Variants in NPHP4 observed in about 807,000 individuals in gnomAD.
The protein encoded by NPHP4 is nephrocystin-4.
Under a neutral mutation model 155.8 loss-of-function variants are expected in NPHP4, and 151 were observed. That is an observed-to-expected ratio of 0.97 (90% CI 0.85 to 1.11). The LOEUF is 1.11. Ranked by LOEUF, NPHP4 falls within the 50% of genes least tolerant of loss-of-function variation. The probability of loss-of-function intolerance (pLI) is 0.00; values close to 1 mark genes in which losing one functional copy is unlikely to be tolerated. For missense variants in NPHP4, 1,956 were observed against 1,925.7 expected, an observed-to-expected ratio of 1.02 and a Z score of -0.29; for synonymous variants, 845 against 816.8, an observed-to-expected ratio of 1.03 and a Z score of -0.59.
chr1:5,952,815 C>T lies in NPHP4; in HGVS notation c.695G>A (p.Arg232His), dbSNP rs1221753633. ...GTGCCCCGTGATGGGCTTCTGGAGG[C>T]GAGGCTTTCGGAGAGCGTCGCCTGA... ...GESGDALRKPRLQKPITGHLD... is the reference protein window; with the variant it reads ...GESGDALRKPHLQKPITGHLD... Residue 232 changes from arginine to histidine, a missense_variant, in exon 7 of 30, where the codon CGC (arginine) becomes CAC (histidine). Coordinates refer to ENST00000378156, the MANE Select transcript of NPHP4 (RefSeq NM_015102.5). 3.7e-6 allele frequency: 6 copies of T among 1,600,512 alleles called. No homozygotes were observed. Among genetic ancestry groups the T allele is most frequent in the East Asian group, 4.5e-5 (2 of 44,334 alleles).
intron 3 of NPHP4, among the ~76,000 whole-genome samples, chr1:5,974,855 C>T (rs1653247017): frequency 6.6e-6 from 1 of 152,186 alleles, no homozygotes; most frequent in Non-Finnish European, 1.5e-5. Context: ...TGCGCTACCA[C>T]GTGGGGGCTG....
intron 12 of NPHP4, among the ~76,000 whole-genome samples, chr1:5,908,375 G>T (rs1645015682): frequency 6.6e-6 from 1 of 152,216 alleles, no homozygotes; most frequent in Admixed American, 6.5e-5. Context: ...CACTAAAGCT[G>T]CTTCCTTGGA....
At chr1:5,988,890 A>G (rs1655859276) in intron 1 of NPHP4, among the ~76,000 whole-genome samples, 1 of 152,168 alleles carries the variant, frequency 6.6e-6, no homozygotes, top group Non-Finnish European at 1.5e-5. Context: ...CAGATGCTGC[A>G]TGTGGGCCAG....
chr1:5,972,874 G>GT (rs998950361), intron 3 of NPHP4, among the ~76,000 whole-genome samples: 15 of 150,786 alleles, frequency 9.9e-5, no homozygotes, highest in East Asian at 1.9e-4. Context: ...AATTTGTAGG[G>GT]TTTTTTTTTG....
At chr1:5,914,203 T>G (rs1645336042) in intron 11 of NPHP4, among the ~76,000 whole-genome samples, 1 of 142,606 alleles carries the variant, frequency 7.0e-6, no homozygotes. Flanking sequence ...GAGGACTGTT[T>G]TGAGTCCAGA....
At chr1:5,957,203 T>C (rs1172913845) in intron 6 of NPHP4, among the ~76,000 whole-genome samples, 2 of 152,206 alleles carry the variant, frequency 1.3e-5, no homozygotes, top group Non-Finnish European at 2.9e-5. Flanking sequence ...ATAACAGCAT[T>C]GCTCCTATGG....
intron 12 of NPHP4, among the ~76,000 whole-genome samples, chr1:5,908,260 C>T (rs752220096): frequency 6.6e-5 from 10 of 152,210 alleles, no homozygotes; most frequent in Non-Finnish European, 1.0e-4. Flanking sequence ...AGGGAAAATG[C>T]CAGGTTGGGC....
chr1:5,905,451 A>T lies in NPHP4; in HGVS notation c.1796T>A (p.Val599Glu). The change falls in exon 15 of 30, where the codon GTG becomes GAG. Residue 599 changes from valine (V) to glutamate (E), a missense_variant. Coordinates refer to ENST00000378156, the MANE Select transcript of NPHP4 (RefSeq NM_015102.5). This position sits in a 1 kb window ranked among gnomAD's most constrained non-coding sequence, Gnocchi z 4.0. ...SAGQPSRASM[V>E]LLQSSGFPEI... Reference sequence around the variant, plus strand: ...GGGAAAGCCGGAGGACTGCAGGAGCACCATGGAGGCTCTCGAGGGCTGCCC... The same window carrying T: ...GGGAAAGCCGGAGGACTGCAGGAGCTCCATGGAGGCTCTCGAGGGCTGCCC... 1 of 1,608,072 alleles carries T rather than the reference A, an allele frequency of 6.2e-7. No individual in the cohort carries two copies. The highest frequency in any genetic ancestry group is 8.5e-7 in the Non-Finnish European group (1 of 1,174,932).
In NPHP4 at chr1:5,965,574, G is replaced by A. The variant is rs140664417; in HGVS notation, c.517+1725C>T. Among the ~76,000 whole-genome samples the A allele has an allele frequency of 4.2e-3, 632 of 152,238 alleles. 4 individuals are homozygous for A. Among genetic ancestry groups the A allele is most frequent in the African/African-American group, 0.014 (587 of 41,540 alleles). On this transcript the variant is annotated intron_variant, in intron 5 of 29. Coordinates refer to ENST00000378156, the MANE Select transcript of NPHP4 (RefSeq NM_015102.5). ...CAGTAAACTAAAAATAAAATCCTGA[G>A]CCCCCAGTGGACTGAAGGGACCTCC...
intron 19 of NPHP4, among the ~76,000 whole-genome samples, chr1:5,879,840 CACAG>C (rs550207568): frequency 7.4e-4 from 81 of 108,950 alleles, no homozygotes; most frequent in Non-Finnish European, 1.2e-3. Flanking sequence ...CGCAAACACA[CACAG>C]ACACGCACAC....
intron 16 of NPHP4, among the ~76,000 whole-genome samples, chr1:5,895,957 C>G (rs529111692): frequency 1.3e-5 from 2 of 152,292 alleles, no homozygotes; most frequent in South Asian, 2.1e-4. Flanking sequence ...CATGACGCAG[C>G]TACCGTAGAG....
In NPHP4 at chr1:5,867,187, A is replaced by G; in HGVS notation, c.3473-72T>C. 1 of 1,171,208 alleles carries G rather than the reference A, an allele frequency of 8.5e-7. No individual in the cohort carries two copies. The highest frequency in any genetic ancestry group is 1.3e-5 in the South Asian group (1 of 75,770). The allele number at this position is 1,171,208 out of a possible 1,614,324, so 72.6% of individuals were successfully genotyped here. ...CTGTGTGGAGAAGGCCCCACACATT[A>G]CACACTATAGGACAGGACAGGCTCG... is the stretch of plus-strand genomic sequence containing the variant. On this transcript the variant is annotated intron_variant, in intron 24 of 29. Transcript: ENST00000378156. This position sits in a 1 kb window ranked among gnomAD's most constrained non-coding sequence, Gnocchi z 4.1.
chr1:5,964,488 C>A (rs1447673290), intron 5 of NPHP4, among the ~76,000 whole-genome samples: 1 of 152,078 alleles, frequency 6.6e-6, no homozygotes, highest in Non-Finnish European at 1.5e-5. Context: ...ATGCTAAAGA[C>A]CATTCTCCAA....
In NPHP4 at chr1:5,914,926, C is replaced by G. The variant is rs577071429; in HGVS notation, c.1442-5713G>C. On this transcript the variant is annotated intron_variant, in intron 11 of 29. Coordinates refer to ENST00000378156, the MANE Select transcript of NPHP4 (RefSeq NM_015102.5). ...GCAGGTGCCAGGTAGACCTCCCCCC[C>G]GCACCCTGAAACGCACCTGTCCTCC... Among the ~76,000 whole-genome samples the G allele has an allele frequency of 1.7e-3, 252 of 152,306 alleles. 2 individuals are homozygous for G. The highest frequency in any genetic ancestry group is 6.5e-4 in the Non-Finnish European group (44 of 68,028).
At chr1:5,955,248 C>T (rs772983869) in intron 6 of NPHP4, among the ~76,000 whole-genome samples, 5 of 152,104 alleles carry the variant, frequency 3.3e-5, no homozygotes, top group Non-Finnish European at 7.4e-5. Context: ...TTGGTGAGGA[C>T]GTGGAGAAAA....
chr1:5,885,149 G>C (rs1643676715), intron 18 of NPHP4, among the ~76,000 whole-genome samples: 1 of 145,278 alleles, frequency 6.9e-6, no homozygotes, highest in South Asian at 2.2e-4. Context: ...CAAGCTCCCA[G>C]CCGAACCCCC....
At chr1:5,877,335 C>G in intron 19 of NPHP4, 37 bp from the exon 20 acceptor site, 1 of 1,515,268 alleles carries the variant, frequency 6.6e-7, no homozygotes, top group Non-Finnish European at 9.0e-7. Context: ...GGTAGACGTG[C>G]AGTGTCTGCC....
chr1:5,875,144 C>A (rs774925411), intron 20 of NPHP4, 44 bp from the exon 21 acceptor site: 1 of 1,466,276 alleles, frequency 6.8e-7, no homozygotes, highest in Non-Finnish European at 9.3e-7. Context: ...CAGGCACACT[C>A]TCCTCCACAA....
At chr1:5,961,713 A>G in intron 6 of NPHP4, 81 bp downstream of exon 6, 6 of 1,403,300 alleles carry the variant, frequency 4.3e-6, no homozygotes, top group Non-Finnish European at 5.9e-6. Flanking sequence ...TGCCCCCAGA[A>G]GAGCCCAGTG....
Sources: gnomAD v4.1 joint callset for allele counts (sites outside exome capture counted in the v4.1 genomes callset) on GRCh38, gnomAD v4.1.1 for gene constraint, Gnocchi (gnomAD v3.1) non-coding constraint, MANE v1.5 for transcripts, NCBI Gene and HGNC (gene_info 2026-07-23, HGNC 2026-07-21) for gene names.